PPP2R2B: variants seen among roughly 807,000 people sequenced by gnomAD.
PPP2R2B encodes the protein serine/threonine-protein phosphatase 2A 55 kDa regulatory subunit B beta isoform.
Under a neutral mutation model 46.0 loss-of-function variants are expected in PPP2R2B, and 5 were observed. The observed-to-expected ratio is 0.11, with a 90% CI of 0.06 to 0.23. The LOEUF is 0.23. Ranked by LOEUF, PPP2R2B falls within the 10% of genes least tolerant of loss-of-function variation. The pLI, the probability that PPP2R2B is intolerant of heterozygous loss-of-function variation, is 1.00. For missense variants in PPP2R2B, 367 were observed against 575.0 expected (o/e 0.64, Z 3.70); for synonymous variants, 215 against 206.7 (o/e 1.04, Z -0.34).
At chr5:146,678,155 C>A (rs1336861892) in intron 5 of PPP2R2B, among the ~76,000 whole-genome samples, 4 of 152,064 alleles carry the variant, frequency 2.6e-5, no homozygotes, top group Admixed American at 1.3e-4. Flanking sequence ...AAAATACTGG[C>A]AAAACGAATC....
Position 147,049,125 on chromosome 5 carries a change from A to T in PPP2R2B, c.79+6540T>A, listed in dbSNP as rs202038997. ...ATGTGTGTGTGTGTGTGTGTGTGTGAGATATTTTACATAGGAAGGCCAGGA... is the reference window on the plus strand; with the variant it reads ...ATGTGTGTGTGTGTGTGTGTGTGTGTGATATTTTACATAGGAAGGCCAGGA... On this transcript the variant is annotated intron_variant, in intron 1 of 8. Coordinates refer to the PPP2R2B transcript ENST00000336640. Among the ~76,000 whole-genome samples the T allele has an allele frequency of 1.6e-4, 15 of 96,416 alleles. No homozygotes were observed. The East Asian group carries it at 2.8e-3, about 18-fold the overall frequency. The allele number at this position is 96,416 out of a possible 152,430, so 63.3% of individuals were successfully genotyped here. A position where few individuals can be genotyped will look rare whatever the true frequency, so the allele number is the denominator to read the frequency against.
chr5:146,917,389 C>T (rs1366556329), intron 1 of PPP2R2B, among the ~76,000 whole-genome samples: 1 of 152,190 alleles, frequency 6.6e-6, no homozygotes, highest in Admixed American at 6.5e-5. Context: ...TATGTTTGTG[C>T]TTTTGTCACC....
intron 1 of PPP2R2B, among the ~76,000 whole-genome samples, chr5:146,950,110 G>T (rs1477309941): frequency 6.6e-6 from 1 of 152,026 alleles, no homozygotes; most frequent in East Asian, 1.9e-4. Context: ...ATAGCTAAAA[G>T]GATATAATTG....
intron 2 of PPP2R2B, among the ~76,000 whole-genome samples, chr5:146,776,329 G>T (rs948795690): frequency 6.6e-6 from 1 of 152,020 alleles, no homozygotes; most frequent in African/African-American, 2.4e-5. Flanking sequence ...AGAATTGAGA[G>T]CCCAGAAATA....
rs1769956700 is a variant in PPP2R2B at position 146,582,689 on chromosome 5, A to G, written c.*7258T>C. On this transcript the variant is annotated 3_prime_UTR_variant, in exon 10 of 10. Coordinates refer to ENST00000394411, the MANE Select transcript of PPP2R2B (RefSeq NM_181675.4). ...GTTTATTTGTTCATTCATTCAACAA[A>G]ACTTTTGAGCACCTACTATGAGCCA... 1 of 152,174 alleles carries G rather than the reference A, an allele frequency of 6.6e-6. No individual in the cohort carries two copies. The highest frequency in any genetic ancestry group is 1.5e-5 in the Non-Finnish European group (1 of 68,028). 9.4% of individuals were successfully genotyped at this position (152,174 alleles called of 1,614,324 possible). A position where few individuals can be genotyped will look rare whatever the true frequency, so the allele number is the denominator to read the frequency against.
intron 6 of PPP2R2B, among the ~76,000 whole-genome samples, chr5:146,648,916 C>T (rs142461558): frequency 7.2e-5 from 11 of 152,260 alleles, no homozygotes; most frequent in Admixed American, 3.9e-4. Context: ...TTCCAGATCA[C>T]GCAGAATCTT....
rs1778320705 is a variant in PPP2R2B at position 146,683,772 on chromosome 5, T to C, written c.447+7356A>G. ...AGTGGTTAAATTCTCGTGGAGGGCTTTCTGATCCCATAACTGAAACCCCAT... is the reference window on the plus strand; with the variant it reads ...AGTGGTTAAATTCTCGTGGAGGGCTCTCTGATCCCATAACTGAAACCCCAT... On this transcript the variant is annotated intron_variant, in intron 5 of 9. Coordinates refer to ENST00000394411, the MANE Select transcript of PPP2R2B (RefSeq NM_181675.4). 2.0e-5 allele frequency among the ~76,000 whole-genome samples: 3 copies of C among 152,170 alleles called. No homozygotes were observed. The South Asian group carries it at 6.2e-4, about 32-fold the overall frequency.
intron 2 of PPP2R2B, among the ~76,000 whole-genome samples, chr5:146,863,796 A>G (rs973614287): frequency 6.6e-6 from 1 of 152,212 alleles, no homozygotes; most frequent in Non-Finnish European, 1.5e-5. Context: ...ATAACCCAAG[A>G]CACTTCAAAG....
At chr5:147,068,092 T>C (rs992351093) in intron 2 of PPP2R2B, among the ~76,000 whole-genome samples, 3 of 152,148 alleles carry the variant, frequency 2.0e-5, no homozygotes, top group Non-Finnish European at 4.4e-5. Context: ...ATATTAAATA[T>C]TAAAAAAATA....
At chr5:146,767,920 C>T (rs1296180918) in intron 2 of PPP2R2B, among the ~76,000 whole-genome samples, 9 of 152,194 alleles carry the variant, frequency 5.9e-5, no homozygotes, top group Admixed American at 5.9e-4. Flanking sequence ...ACCCTGGCAA[C>T]TGCTGATCTT....
chr5:146,806,189 G>A (rs1053767191), intron 2 of PPP2R2B, among the ~76,000 whole-genome samples: 8 of 152,142 alleles, frequency 5.3e-5, no homozygotes, highest in Admixed American at 1.3e-4. Flanking sequence ...GCAGAAACAC[G>A]CCTTTATGCA....
At chr5:146,925,017 C>T (rs1763734417) in intron 1 of PPP2R2B, among the ~76,000 whole-genome samples, 2 of 152,070 alleles carry the variant, frequency 1.3e-5, no homozygotes, top group South Asian at 4.1e-4. Flanking sequence ...AATTTAACTC[C>T]AGAAAATACA....
rs185578952 is a variant in PPP2R2B at position 147,044,980 on chromosome 5, C to T, written c.79+10685G>A. On this transcript the variant is annotated intron_variant, in intron 1 of 8. Transcript: ENST00000336640. ...TATGCCTGGAATGTTTACTGCTATTCCAAACAGAACAGAATGTGTTTCTGC... is the reference window on the plus strand; with the variant it reads ...TATGCCTGGAATGTTTACTGCTATTTCAAACAGAACAGAATGTGTTTCTGC... Among the ~76,000 whole-genome samples, 28 of 152,278 alleles carry T rather than the reference C, an allele frequency of 1.8e-4. 1 individual carries two copies. The highest frequency in any genetic ancestry group is 6.5e-4 in the African/African-American group (27 of 41,560).
intron 2 of PPP2R2B, among the ~76,000 whole-genome samples, chr5:146,709,834 T>A (rs1041602167): frequency 6.6e-6 from 1 of 152,234 alleles, no homozygotes; most frequent in Non-Finnish European, 1.5e-5. Flanking sequence ...ACCCTGTGGT[T>A]TAAGCTACTG....
intron 1 of PPP2R2B, among the ~76,000 whole-genome samples, chr5:147,036,377 G>T (rs1190152043): frequency 6.6e-6 from 1 of 152,088 alleles, no homozygotes; most frequent in African/African-American, 2.4e-5. Context: ...AGTATTCCAT[G>T]GTGTCTATGT....
intron 1 of PPP2R2B, among the ~76,000 whole-genome samples, chr5:146,914,802 G>A (rs1285658899): frequency 6.6e-6 from 1 of 152,224 alleles, no homozygotes; most frequent in Non-Finnish European, 1.5e-5. Context: ...CCAAATGGAA[G>A]ATCCAAGACC....
At chr5:146,673,259 T>G (rs1321646504) in intron 5 of PPP2R2B, among the ~76,000 whole-genome samples, 4 of 151,950 alleles carry the variant, frequency 2.6e-5, no homozygotes, top group African/African-American at 9.7e-5. Flanking sequence ...GCTGGCGGGA[T>G]GATTTTTATA....
chr5:146,880,761 T>A (rs1762140896), upstream of PPP2R2B, among the ~76,000 whole-genome samples: 4 of 152,054 alleles, frequency 2.6e-5, no homozygotes. Context: ...ACAGATCGAG[T>A]CTCTGGGTTT....
intron 1 of PPP2R2B, among the ~76,000 whole-genome samples, chr5:146,990,389 A>C (rs577739286): frequency 6.6e-6 from 1 of 152,250 alleles, no homozygotes; most frequent in Non-Finnish European, 1.5e-5. Context: ...AGACCAATGG[A>C]ACAAAATAGA....
Sources: gnomAD v4.1 joint callset for allele counts (sites outside exome capture counted in the v4.1 genomes callset) on GRCh38, gnomAD v4.1.1 for gene constraint, MANE v1.5 for transcripts, NCBI Gene and HGNC (gene_info 2026-07-23, HGNC 2026-07-21) for gene names.